The following RAP1GAP2 variants were observed in gnomAD, a reference collection of about 807,000 sequenced individuals.
RAP1GAP2 encodes RAP1 GTPase activating protein 2, also known as rap1 GTPase-activating protein 2.
RAP1GAP2 carries 27 observed loss-of-function variants against 95.0 expected under a neutral mutation model. The observed-to-expected ratio is 0.28, with a 90% confidence interval of 0.21 to 0.39. The LOEUF (loss-of-function observed/expected upper bound fraction) is 0.39, where lower values mean the gene tolerates loss of function less well. Among genes scored for constraint, RAP1GAP2 ranks in the 10% least tolerant of loss-of-function variants. RAP1GAP2 has a pLI of 1.00. For missense variants in RAP1GAP2, 771 were observed against 970.0 expected, an observed-to-expected ratio of 0.79 and a Z score of 2.72; for synonymous variants, 373 against 380.9, an observed-to-expected ratio of 0.98 and a Z score of 0.24.
At chr17:2,878,877 G>A (rs1309572449) in intron 2 of RAP1GAP2, among the ~76,000 whole-genome samples, 1 of 152,226 alleles carries the variant, frequency 6.6e-6, no homozygotes, top group East Asian at 1.9e-4. Context: ...AGCTTGCTGG[G>A]CCCCGGTTTT....
At chr17:2,802,315 T>C (rs1211299472) in intron 2 of RAP1GAP2, among the ~76,000 whole-genome samples, 1 of 152,138 alleles carries the variant, frequency 6.6e-6, no homozygotes, top group Admixed American at 6.6e-5. Flanking sequence ...TTTCCCACTT[T>C]GGTTGGTTTT....
At position 2,871,793 on chromosome 17, in the gene RAP1GAP2, G is replaced by A. The variant is rs1432345156; in HGVS notation, c.81-33491G>A. On this transcript the variant is annotated intron_variant, in intron 2 of 24. Transcript: ENST00000254695. The surrounding 1 kb of genome is among the most constrained non-coding windows in gnomAD (Gnocchi z 5.0). ...GTCAGATGTGCATCTTTCCACACAC[G>A]TGGAATGACGTAGAATGAGGTCATT... Among the ~76,000 whole-genome samples the A allele has an allele frequency of 2.0e-5, 3 of 152,196 alleles. No individual in the cohort carries two copies. Among genetic ancestry groups the A allele is most frequent in the Non-Finnish European group, 4.4e-5 (3 of 68,042 alleles).
chr17:3,020,877 T>C (rs1215106986), intron 19 of RAP1GAP2, among the ~76,000 whole-genome samples: 4 of 152,216 alleles, frequency 2.6e-5, no homozygotes, highest in East Asian at 1.9e-4. Context: ...TGCCTCCTTT[T>C]TCAACGCTCA....
upstream of RAP1GAP2, among the ~76,000 whole-genome samples, chr17:2,772,794 A>T (rs1480418399): frequency 6.6e-6 from 1 of 151,798 alleles, no homozygotes; most frequent in Non-Finnish European, 1.5e-5. Flanking sequence ...CTCTCAGAGA[A>T]TAAGGTTTAT....
chr17:2,804,464 G>A (rs1196877801), intron 2 of RAP1GAP2, among the ~76,000 whole-genome samples: 2 of 152,162 alleles, frequency 1.3e-5, no homozygotes, highest in Non-Finnish European at 2.9e-5. Flanking sequence ...TTTGAATCTG[G>A]GTCTGTGTTT....
chr17:2,895,799 A>G (rs1332184366), intron 2 of RAP1GAP2, among the ~76,000 whole-genome samples: 1 of 151,928 alleles, frequency 6.6e-6, no homozygotes, highest in Non-Finnish European at 1.5e-5. Context: ...GCCGGTCTCA[A>G]ACTCCTGACC....
In RAP1GAP2 at chr17:2,763,692, T is replaced by A. The variant is rs866392037; in HGVS notation, c.51-6637T>A. 3.3e-5 allele frequency among the ~76,000 whole-genome samples: 5 copies of A among 149,618 alleles called. No individual in the cohort carries two copies. In the South Asian group the frequency reaches 1.1e-3, roughly 32 times the overall value. ...GCCTGGGTGACACAGAGAGACTCTG[T>A]CTCAAAACAAAAAAAGAATAAAGAA... On this transcript the variant is annotated intron_variant, in intron 1 of 25. Transcript: ENST00000637138.
At chr17:2,942,953 G>C (rs1425748073) in intron 3 of RAP1GAP2, among the ~76,000 whole-genome samples, 1 of 151,996 alleles carries the variant, frequency 6.6e-6, no homozygotes, top group Non-Finnish European at 1.5e-5. Flanking sequence ...ATTTTTAGTA[G>C]AGATGGGGTT....
intron 1 of RAP1GAP2, among the ~76,000 whole-genome samples, chr17:2,790,976 G>A (rs777329296): frequency 6.6e-5 from 10 of 152,224 alleles, no homozygotes; most frequent in Non-Finnish European, 1.5e-4. Flanking sequence ...AGGCTGAGGT[G>A]GACGGATCTT....
intron 1 of RAP1GAP2, among the ~76,000 whole-genome samples, chr17:2,759,933 T>C (rs1382384254): frequency 6.6e-6 from 1 of 152,026 alleles, no homozygotes; most frequent in East Asian, 1.9e-4. Flanking sequence ...CATTTGCATA[T>C]TGAAAAAGAT....
At chr17:2,914,129 C>T (rs1027707805) in intron 3 of RAP1GAP2, among the ~76,000 whole-genome samples, 2 of 152,142 alleles carry the variant, frequency 1.3e-5, no homozygotes, top group African/African-American at 4.8e-5. Flanking sequence ...TTCCTCAGGC[C>T]TCCCAAAGTG....
chr17:2,805,817 G>A (rs755143169), intron 2 of RAP1GAP2, among the ~76,000 whole-genome samples: 25 of 152,230 alleles, frequency 1.6e-4, no homozygotes, highest in Non-Finnish European at 1.5e-4. Context: ...TGAGGTGACC[G>A]TCATGCACAG....
In RAP1GAP2 at chr17:3,034,834, G is replaced by A. The variant is rs1208387958; in HGVS notation, c.*1473G>A. On this transcript the variant is annotated 3_prime_UTR_variant, in exon 25 of 25. Transcript: ENST00000254695. The surrounding 1 kb of genome is among the most constrained non-coding windows in gnomAD (Gnocchi z 5.1). Reference sequence around the variant, plus strand: ...GGTGGGCATCCTCCAGGTACAACGAGCCTGAAGAGCCCCTTTCAGTGCAGA... The same window carrying A: ...GGTGGGCATCCTCCAGGTACAACGAACCTGAAGAGCCCCTTTCAGTGCAGA... 4 of 152,310 alleles carry A rather than the reference G, an allele frequency of 2.6e-5. No homozygotes were observed. Among genetic ancestry groups the A allele is most frequent in the African/African-American group, 9.7e-5 (4 of 41,450 alleles). 9.4% of individuals were successfully genotyped at this position (152,310 alleles called of 1,614,324 possible).
intron 2 of RAP1GAP2, among the ~76,000 whole-genome samples, chr17:2,801,644 T>A (rs1334394774): frequency 2.4e-5 from 3 of 122,710 alleles, no homozygotes. Flanking sequence ...TGTGTGTGTG[T>A]GTGTGATGTC....
intron 14 of RAP1GAP2, among the ~76,000 whole-genome samples, chr17:3,001,447 T>C (rs1445485638): frequency 3.8e-5 from 4 of 104,532 alleles, no homozygotes; most frequent in Non-Finnish European, 2.0e-5. Flanking sequence ...AAGCAGGGAG[T>C]GCAGGTCCAA....
At chr17:2,778,740 C>T (rs1005182044) in intron 1 of RAP1GAP2, among the ~76,000 whole-genome samples, 24 of 152,088 alleles carry the variant, frequency 1.6e-4, no homozygotes, top group African/African-American at 5.6e-4. Context: ...AATGGGAGCC[C>T]GAGAGAAAGG....
intron 14 of RAP1GAP2, among the ~76,000 whole-genome samples, chr17:3,002,216 C>T (rs1218171352): frequency 6.6e-6 from 1 of 152,218 alleles, no homozygotes. Context: ...TGGCCTCGGC[C>T]TCCCAAAGTG....
rs1449692004 is a variant in RAP1GAP2 at position 2,868,255 on chromosome 17, T to G, written c.81-37029T>G. ...TGAGAGAAGGGCTGGCTCTCTGCTA[T>G]CCATCCCCCTGGTGGAGGGCCAGGC... On this transcript the variant is annotated intron_variant, in intron 2 of 24. Coordinates refer to ENST00000254695, the MANE Select transcript of RAP1GAP2 (RefSeq NM_015085.5). Among the ~76,000 whole-genome samples, 3 of 152,250 alleles carry G rather than the reference T, an allele frequency of 2.0e-5. No homozygotes were observed. The East Asian group carries it at 5.8e-4, about 29-fold the overall frequency.
intron 3 of RAP1GAP2, among the ~76,000 whole-genome samples, chr17:2,922,173 C>CT (rs1468921515): frequency 6.6e-6 from 1 of 152,226 alleles, no homozygotes; most frequent in Non-Finnish European, 1.5e-5. Context: ...CGTTCTGCGT[C>CT]TAAGATGACA....
Sources: allele counts gnomAD v4.1 joint callset (sites outside exome capture counted in the v4.1 genomes callset), GRCh38; gene constraint gnomAD v4.1.1; non-coding constraint Gnocchi (gnomAD v3.1); transcripts MANE v1.5; gene names NCBI Gene and HGNC (gene_info 2026-07-23, HGNC 2026-07-21).